The following ADARB2 variants were observed in gnomAD, a reference collection of about 807,000 sequenced individuals.
ADARB2 encodes adenosine deaminase RNA specific B2 (inactive).
Under a neutral mutation model 62.2 loss-of-function variants are expected in ADARB2, and 25 were observed. That is an observed-to-expected ratio of 0.40 (90% CI 0.29 to 0.56). The LOEUF (loss-of-function observed/expected upper bound fraction) is 0.56, where lower values mean the gene tolerates loss of function less well. Among genes scored for constraint, ADARB2 ranks in the 20% least tolerant of loss-of-function variants. The pLI, the probability that ADARB2 is intolerant of heterozygous loss-of-function variation, is 0.43. For missense variants in ADARB2, 1,071 were observed against 1,077.4 expected (o/e 0.99, Z 0.08); for synonymous variants, 572 against 500.8 (o/e 1.14, Z -1.90).
intron 1 of ADARB2, among the ~76,000 whole-genome samples, chr10:1,514,923 CTG>C (rs541763733): frequency 1.2e-3 from 184 of 152,028 alleles, no homozygotes; most frequent in African/African-American, 4.3e-3. Flanking sequence ...TTTGAGCACT[CTG>C]TGAATTCTCG....
intron 1 of ADARB2, among the ~76,000 whole-genome samples, chr10:1,407,531 T>A (rs931630687): frequency 2.0e-5 from 3 of 152,118 alleles, no homozygotes; most frequent in African/African-American, 7.2e-5. Context: ...AAGTTGACGG[T>A]AGGGGGCAGG....
intron 1 of ADARB2, among the ~76,000 whole-genome samples, chr10:1,582,156 C>T (rs1031206452): frequency 6.6e-6 from 1 of 152,160 alleles, no homozygotes; most frequent in African/African-American, 2.4e-5. Flanking sequence ...GGATGAGAGG[C>T]AGAAATGGAT....
chr10:1,618,319 C>T (rs980420509), intron 1 of ADARB2, among the ~76,000 whole-genome samples: 1 of 152,160 alleles, frequency 6.6e-6, no homozygotes, highest in African/African-American at 2.4e-5. Flanking sequence ...CAAATTATAA[C>T]TGTTTAGTGG....
chr10:1,543,998 CAA>C (rs779186191), intron 1 of ADARB2, among the ~76,000 whole-genome samples: 7,320 of 81,766 alleles, frequency 0.09, 691 homozygotes, highest in African/African-American at 0.27. Flanking sequence ...GGCAGGTGAC[CAA>C]AAAAAAAAAA....
chr10:1,570,546 C>T (rs993263954), intron 1 of ADARB2, among the ~76,000 whole-genome samples: 2 of 152,250 alleles, frequency 1.3e-5, no homozygotes, highest in African/African-American at 4.8e-5. Flanking sequence ...GGTGAAGCCT[C>T]AGCTGAAGCA....
intron 1 of ADARB2, among the ~76,000 whole-genome samples, chr10:1,602,100 C>T (rs113525470): frequency 0.11 from 17,192 of 152,086 alleles, 1,341 homozygotes; most frequent in South Asian, 0.23. Context: ...CTGAAGCTGG[C>T]GGGGAAGTCG....
intron 1 of ADARB2, among the ~76,000 whole-genome samples, chr10:1,385,945 CA>C (rs1199287281): frequency 1.3e-5 from 2 of 152,116 alleles, no homozygotes; most frequent in African/African-American, 4.8e-5. Context: ...GAATACAAAT[CA>C]AAAATTTGCT....
At chr10:1,436,628 A>G (rs1830837789) in intron 1 of ADARB2, among the ~76,000 whole-genome samples, 1 of 152,256 alleles carries the variant, frequency 6.6e-6, no homozygotes, top group East Asian at 1.9e-4. Context: ...AGGAAAGAGA[A>G]CATTAAAAGA....
chr10:1,221,732 A>G (rs1461477698), intron 6 of ADARB2, among the ~76,000 whole-genome samples: 2 of 152,110 alleles, frequency 1.3e-5, no homozygotes, highest in Non-Finnish European at 2.9e-5. Flanking sequence ...CCATGTCCCT[A>G]CAAAGGACAT....
chr10:1,597,157 C>T (rs1044752966), intron 1 of ADARB2, among the ~76,000 whole-genome samples: 2 of 152,186 alleles, frequency 1.3e-5, no homozygotes, highest in African/African-American at 4.8e-5. Context: ...TCATTAAAAT[C>T]TTGCAAATGA....
chr10:1,188,051 A>G (rs1836786177), intron 8 of ADARB2: 1 of 159,388 alleles, frequency 6.3e-6, no homozygotes, highest in Non-Finnish European at 1.4e-5. Context: ...ATGACCCCGG[A>G]GGTGGAAAAT....
chr10:1,475,109 C>G (rs1831381340), intron 1 of ADARB2, among the ~76,000 whole-genome samples: 1 of 152,160 alleles, frequency 6.6e-6, no homozygotes, highest in Non-Finnish European at 1.5e-5. Context: ...GAGAAATCAA[C>G]GCGGCGTCGT....
In ADARB2 at chr10:1,581,545, C is replaced by T. The variant is rs1398277709; in HGVS notation, c.100+155506G>A. Among the ~76,000 whole-genome samples the T allele has an allele frequency of 3.5e-4, 54 of 152,208 alleles. 1 individual carries two copies. Among genetic ancestry groups the T allele is most frequent in the Admixed American group, 3.5e-3 (54 of 15,284 alleles). Reference sequence around the variant, plus strand: ...CCAGGTAATGAGCCTGTACGTAAACCTGTAGAATGGAACAACAGTAACTAC... The same window carrying T: ...CCAGGTAATGAGCCTGTACGTAAACTTGTAGAATGGAACAACAGTAACTAC... On this transcript the variant is annotated intron_variant, in intron 1 of 9. Coordinates refer to ENST00000381312, the MANE Select transcript of ADARB2 (RefSeq NM_018702.4).
chr10:1,462,100 A>G (rs1831181762), intron 1 of ADARB2, among the ~76,000 whole-genome samples: 1 of 152,220 alleles, frequency 6.6e-6, no homozygotes, highest in African/African-American at 2.4e-5. Flanking sequence ...GTGTGTGTTC[A>G]GCTTCTCTGC....
intron 3 of ADARB2, among the ~76,000 whole-genome samples, chr10:1,350,011 C>T (rs186475985): frequency 1.4e-4 from 22 of 152,246 alleles, no homozygotes; most frequent in African/African-American, 4.8e-4. Flanking sequence ...CCTCCTTCTT[C>T]TCCCTTAGCC....
chr10:1,656,083 T>C (rs551155203), intron 1 of ADARB2, among the ~76,000 whole-genome samples: 23 of 152,276 alleles, frequency 1.5e-4, no homozygotes, highest in Non-Finnish European at 2.8e-4. Flanking sequence ...AAAGTCTTTA[T>C]AAAATTGTAA....
intron 1 of ADARB2, among the ~76,000 whole-genome samples, chr10:1,419,269 T>C (rs529531934): frequency 6.6e-6 from 1 of 152,248 alleles, no homozygotes; most frequent in African/African-American, 2.4e-5. Flanking sequence ...AATTTTTGTA[T>C]TTTTTTAGTA....
intron 1 of ADARB2, among the ~76,000 whole-genome samples, chr10:1,669,778 A>G (rs1834360048): frequency 6.6e-6 from 1 of 152,056 alleles, no homozygotes; most frequent in Non-Finnish European, 1.5e-5. Flanking sequence ...ACACACAGAC[A>G]CAAACACACA....
chr10:1,396,150 A>C (rs539326657), intron 1 of ADARB2, among the ~76,000 whole-genome samples: 1 of 152,300 alleles, frequency 6.6e-6, no homozygotes, highest in African/African-American at 2.4e-5. Flanking sequence ...CTGAGCTTGC[A>C]AGTCTAAATC....
Sources: allele counts gnomAD v4.1 joint callset (sites outside exome capture counted in the v4.1 genomes callset), GRCh38; gene constraint gnomAD v4.1.1; transcripts MANE v1.5; gene names NCBI Gene and HGNC (gene_info 2026-07-23, HGNC 2026-07-21).